Variants in MEOX1 observed in about 807,000 individuals in gnomAD.
MEOX1 encodes mesenchyme homeobox 1.
Under a neutral mutation model 23.2 loss-of-function variants are expected in MEOX1, and 17 were observed. That is an observed-to-expected ratio of 0.73 (90% CI 0.50 to 1.10). MEOX1 has a LOEUF of 1.10. Ranked by LOEUF, MEOX1 falls within the 50% of genes least tolerant of loss-of-function variation. MEOX1 has a pLI of 0.00. For synonymous variants in MEOX1, 134 were observed against 135.1 expected (o/e 0.99, Z 0.06); for missense variants, 333 against 332.2 (o/e 1.00, Z -0.02).
Position 43,643,618 on chromosome 17 carries a change from GCTTTGCTGCT to G in MEOX1, c.502_511del (p.Ser168ProfsTer26), listed in dbSNP as rs1407791997. On this transcript the variant is annotated frameshift_variant, in exon 2 of 3. Coordinates refer to ENST00000318579, the MANE Select transcript of MEOX1 (RefSeq NM_004527.4). LOFTEE classifies it high-confidence loss of function. The stretch of plus-strand genomic sequence containing the variant: ...GGTGAAGGCCGTCCTCTCCTTGCGG[GCTTTGCTGCT>G]GCCCTCCGGCTTCCCTCTGTTCTCC... 1 of 1,613,424 alleles carries G rather than the reference GCTTTGCTGCT, an allele frequency of 6.2e-7. No homozygotes were observed.
Position 43,641,765 on chromosome 17 carries a change from T to C in MEOX1, c.*145A>G. 1.2e-6 allele frequency: 1 copy of C among 823,916 alleles called. No homozygotes were observed. The highest frequency in any genetic ancestry group is 2.7e-5 in the East Asian group (1 of 37,270). 51.0% of individuals were successfully genotyped at this position (823,916 alleles called of 1,614,324 possible). A position where few individuals can be genotyped will look rare whatever the true frequency, so the allele number is the denominator to read the frequency against. Reference sequence around the variant, plus strand: ...TAGAAAATCCTAAGACTCCCAGGAATGCTGGGCAGTTTCATATCCAAGAGT... The same window carrying C: ...TAGAAAATCCTAAGACTCCCAGGAACGCTGGGCAGTTTCATATCCAAGAGT... On this transcript the variant is annotated 3_prime_UTR_variant, in exon 3 of 3. Transcript: ENST00000318579.
intron 1 of MEOX1, among the ~76,000 whole-genome samples, chr17:43,656,093 G>C (rs1973013415): frequency 6.6e-6 from 1 of 152,164 alleles, no homozygotes; most frequent in African/African-American, 2.4e-5. Flanking sequence ...GCTAAAGTGA[G>C]AAAATCAACA....
At chr17:43,650,527 G>T (rs569267578) in intron 1 of MEOX1, among the ~76,000 whole-genome samples, 1 of 152,314 alleles carries the variant, frequency 6.6e-6, no homozygotes, top group East Asian at 1.9e-4. Context: ...ATGTCACGCT[G>T]CCCTCGGGGG....
At chr17:43,659,170 C>G (rs1598268841) in intron 1 of MEOX1, among the ~76,000 whole-genome samples, 1 of 150,866 alleles carries the variant, frequency 6.6e-6, no homozygotes, top group African/African-American at 2.5e-5. Context: ...CTTTGCTATC[C>G]CTTCCCAATG....
At chr17:43,652,299 G>A (rs547136620) in intron 1 of MEOX1, among the ~76,000 whole-genome samples, 8 of 152,178 alleles carry the variant, frequency 5.3e-5, no homozygotes, top group South Asian at 4.2e-4. Context: ...CAGTAGCATC[G>A]TCAGAGTCAG....
intron 1 of MEOX1, among the ~76,000 whole-genome samples, chr17:43,653,437 G>A (rs576150067): frequency 9.6e-4 from 145 of 151,614 alleles, no homozygotes; most frequent in Non-Finnish European, 2.0e-3. Context: ...ACCGCATCCA[G>A]CCCATGCCTC....
At position 43,661,052 on chromosome 17, in the gene MEOX1, C is replaced by T; in HGVS notation, c.469+14G>A. ...CACAGTAAAGGAATGATCAGCTGCT[C>T]CTGAGCCACCTACCTGAACTCTCCT... On this transcript the variant is annotated intron_variant, in intron 1 of 2. Coordinates refer to ENST00000318579, the MANE Select transcript of MEOX1 (RefSeq NM_004527.4). 4.1e-6 allele frequency: 6 copies of T among 1,473,530 alleles called. No individual in the cohort carries two copies. The highest frequency in any genetic ancestry group is 5.4e-6 in the Non-Finnish European group (6 of 1,104,846). 91.3% of individuals were successfully genotyped at this position (1,473,530 alleles called of 1,614,324 possible). A position where few individuals can be genotyped will look rare whatever the true frequency, so the allele number is the denominator to read the frequency against.
rs1972968203 is a variant in MEOX1, at chr17:43,654,113, C to T, written c.469+6953G>A. The stretch of plus-strand genomic sequence containing the variant: ...CAATTCCTATGTTGAAGCCCTAACC[C>T]CAGTACCTTAGAGTGTGTCTGTATT... On this transcript the variant is annotated intron_variant, in intron 1 of 2. Coordinates refer to ENST00000318579, the MANE Select transcript of MEOX1 (RefSeq NM_004527.4). 2.6e-5 allele frequency among the ~76,000 whole-genome samples: 4 copies of T among 152,286 alleles called. No individual in the cohort carries two copies. The South Asian group carries it at 8.3e-4, about 32-fold the overall frequency.
At position 43,661,473 on chromosome 17, in the gene MEOX1, C is replaced by T. The variant is rs749282400; in HGVS notation, c.62G>A (p.Cys21Tyr). The part of the protein sequence containing the change: ...SLQPPAPVWG[C>Y]LRNPHSEGNG... Reference sequence around the variant, plus strand: ...GCCTTCCGAGTGGGGGTTTCGAAGGCAGCCCCAGACAGGGGCTGGGGGCTG... The same window carrying T: ...GCCTTCCGAGTGGGGGTTTCGAAGGTAGCCCCAGACAGGGGCTGGGGGCTG... The change falls in exon 1 of 3, where the codon TGC (cysteine) becomes TAC (tyrosine). Residue 21 changes from cysteine (C) to tyrosine (Y), a missense_variant. Cys to Tyr is a radical substitution (Grantham distance 194). Transcript: ENST00000318579. 3.7e-6 allele frequency: 6 copies of T among 1,608,062 alleles called. No individual in the cohort carries two copies. The highest frequency in any genetic ancestry group is 4.5e-5 in the East Asian group (2 of 44,744).
chr17:43,651,896 C>T (rs1333683982), intron 1 of MEOX1, among the ~76,000 whole-genome samples: 1 of 152,150 alleles, frequency 6.6e-6, no homozygotes, highest in African/African-American at 2.4e-5. Context: ...TTTCCCTCTT[C>T]GATGTTGGTC....
At chr17:43,651,518 T>C (rs1972916177) in intron 1 of MEOX1, among the ~76,000 whole-genome samples, 1 of 151,878 alleles carries the variant, frequency 6.6e-6, no homozygotes, top group African/African-American at 2.4e-5. Context: ...GCTCACGCTG[T>C]TCCTGTACCT....
In MEOX1 at chr17:43,657,014, CTTT is replaced by C. The variant is rs1567748268; in HGVS notation, c.469+4049_469+4051del. Among the ~76,000 whole-genome samples, 5 of 100,824 alleles carry C rather than the reference CTTT, an allele frequency of 5.0e-5. No homozygotes were observed. The East Asian group carries it at 1.1e-3, about 22-fold the overall frequency. The allele number at this position is 100,824 out of a possible 152,430, so 66.1% of individuals were successfully genotyped here. A position where few individuals can be genotyped will look rare whatever the true frequency, so the allele number is the denominator to read the frequency against. ...TCTTTCTTTTTCTTTCTTTCTTTCT[CTTT>C]CTTTCTTTCTTTCTTTCTTTCTTTC... is the stretch of plus-strand genomic sequence containing the variant. On this transcript the variant is annotated intron_variant, in intron 1 of 2. Coordinates refer to ENST00000318579, the MANE Select transcript of MEOX1 (RefSeq NM_004527.4).
At position 43,661,485 on chromosome 17, in the gene MEOX1, G is replaced by C. The variant is rs1427175555; in HGVS notation, c.50C>G (p.Pro17Arg). The change falls in exon 1 of 3, where the codon CCT becomes CGT. Residue 17 changes from proline (P) to arginine (R), a missense_variant. Physicochemically the swap from Pro to Arg is moderately radical, Grantham distance 103. Transcript: ENST00000318579. ...GGGGTTTCGAAGGCAGCCCCAGACAGGGGCTGGGGGCTGGAGGCTCCTCAT... is the reference window on the plus strand; with the variant it reads ...GGGGTTTCGAAGGCAGCCCCAGACACGGGCTGGGGGCTGGAGGCTCCTCAT... ...SCMRSLQPPA[P>R]VWGCLRNPHS... 9 of 1,603,890 alleles carry C rather than the reference G, an allele frequency of 5.6e-6. No individual in the cohort carries two copies. The highest frequency in any genetic ancestry group is 5.6e-5 in the South Asian group (5 of 89,634).
At chr17:43,646,874 C>T (rs1354222169) in intron 1 of MEOX1, among the ~76,000 whole-genome samples, 1 of 152,212 alleles carries the variant, frequency 6.6e-6, no homozygotes, top group Non-Finnish European at 1.5e-5. Flanking sequence ...GTAATCCCAG[C>T]TACTCGGGAG....
intron 1 of MEOX1, among the ~76,000 whole-genome samples, chr17:43,659,284 G>A (rs973222263): frequency 6.6e-6 from 1 of 152,176 alleles, no homozygotes; most frequent in Non-Finnish European, 1.5e-5. Flanking sequence ...GAGCCAAGTC[G>A]CTGAGAGTTG....
At chr17:43,653,391 T>C (rs28678753) in intron 1 of MEOX1, among the ~76,000 whole-genome samples, 53,891 of 151,138 alleles carry the variant, frequency 0.36, 10,648 homozygotes, top group African/African-American at 0.54. Context: ...CCACCCACCT[T>C]GGCCTCCCAA....
intron 2 of MEOX1, 77 bp from the exon 3 acceptor site, chr17:43,642,109 CAGGGTG>C: frequency 4.7e-6 from 7 of 1,489,494 alleles, no homozygotes; most frequent in Non-Finnish European, 6.4e-6. Flanking sequence ...TTAGGCTAGC[CAGGGTG>C]TAACTCCAGG....
In MEOX1 at chr17:43,640,867, C is replaced by T. The variant is rs1465535813; in HGVS notation, c.*1043G>A. The stretch of plus-strand genomic sequence containing the variant: ...GGAGGAAGAGGGATTTTCTTGTCCC[C>T]TTTTGCAGTCACAGGACACTGTCAC... On this transcript the variant is annotated 3_prime_UTR_variant, in exon 3 of 3. Transcript: ENST00000318579. The T allele has an allele frequency of 6.6e-6, 1 of 152,236 alleles. No individual in the cohort carries two copies. The highest frequency in any genetic ancestry group is 6.5e-5 in the Admixed American group (1 of 15,278). The allele number at this position is 152,236 out of a possible 1,614,324, so 9.4% of individuals were successfully genotyped here.
At chr17:43,657,577 A>G (rs1973063313) in intron 1 of MEOX1, among the ~76,000 whole-genome samples, 1 of 152,080 alleles carries the variant, frequency 6.6e-6, no homozygotes, top group Admixed American at 6.6e-5. Context: ...ATGGCAAAGG[A>G]GGAAGGAAGC....
Sources: allele counts gnomAD v4.1 joint callset (sites outside exome capture counted in the v4.1 genomes callset), GRCh38; gene constraint gnomAD v4.1.1; transcripts MANE v1.5; gene names NCBI Gene and HGNC (gene_info 2026-07-23, HGNC 2026-07-21).